The following USP25 variants were observed in gnomAD, a reference collection of about 807,000 sequenced individuals.
The protein encoded by USP25 is ubiquitin specific peptidase 25.
Under a neutral mutation model 158.5 loss-of-function variants are expected in USP25, and 85 were observed. The observed-to-expected ratio is 0.54, with a 90% CI of 0.45 to 0.64. USP25 has a LOEUF of 0.64. Among genes scored for constraint, USP25 ranks in the 30% least tolerant of loss-of-function variants. USP25 has a pLI of 0.00. For missense variants in USP25, 1,242 were observed against 1,327.3 expected (o/e 0.94, Z 1.00); for synonymous variants, 464 against 460.4 (o/e 1.01, Z -0.10).
intron 1 of USP25, among the ~76,000 whole-genome samples, chr21:15,730,662 T>C (rs1160643846): frequency 6.6e-6 from 1 of 152,230 alleles, no homozygotes; most frequent in Admixed American, 6.5e-5. Context: ...CTTCTGCCGA[T>C]TGTTTTCCCG....
chr21:15,836,852 A>G (rs2038087490), intron 17 of USP25, among the ~76,000 whole-genome samples: 1 of 140,486 alleles, frequency 7.1e-6, no homozygotes, highest in Non-Finnish European at 1.5e-5. Flanking sequence ...GATCAGAATG[A>G]GTAGGGGAGC....
intron 20 of USP25, among the ~76,000 whole-genome samples, chr21:15,852,998 A>AT (rs2038956955): frequency 6.6e-6 from 1 of 152,194 alleles, no homozygotes; most frequent in African/African-American, 2.4e-5. Flanking sequence ...AAAGTAATGT[A>AT]TACAAAATGC....
intron 22 of USP25, among the ~76,000 whole-genome samples, chr21:15,867,107 G>T (rs902152486): frequency 6.6e-6 from 1 of 151,968 alleles, no homozygotes; most frequent in African/African-American, 2.4e-5. Flanking sequence ...ATTTTTTTGT[G>T]CACAAAATTA....
intron 3 of USP25, among the ~76,000 whole-genome samples, chr21:15,771,009 T>C (rs769625673): frequency 3.3e-5 from 5 of 152,218 alleles, no homozygotes; most frequent in Non-Finnish European, 5.9e-5. Context: ...ATAAAAGATA[T>C]GTTCTCATCT....
At chr21:15,820,655 TTTAAA>T (rs1347120197) in intron 10 of USP25, among the ~76,000 whole-genome samples, 43 of 152,110 alleles carry the variant, frequency 2.8e-4, no homozygotes, top group African/African-American at 1.0e-3. Context: ...AAATAACATA[TTTAAA>T]TTATAGTCTT....
At chr21:15,745,473 CTTTTTT>C (rs11284817) in intron 1 of USP25, among the ~76,000 whole-genome samples, 1 of 112,986 alleles carries the variant, frequency 8.9e-6, no homozygotes, top group East Asian at 2.5e-4. Flanking sequence ...TTTTTCTTTT[CTTTTTT>C]TTTTTTTTTT....
chr21:15,805,271 C>T lies in USP25; in HGVS notation c.780+13C>T, dbSNP rs1788278582. ...TGACTCACAGCAGGTAGTTCTGTTG[C>T]ACTGACTTGTTCATTAACCATTTGT... On this transcript the variant is annotated intron_variant, in intron 7 of 25. Coordinates refer to ENST00000400183, the MANE Select transcript of USP25 (RefSeq NM_001283041.3). 6.3e-7 allele frequency: 1 copy of T among 1,578,322 alleles called. No homozygotes were observed. The highest frequency in any genetic ancestry group is 8.6e-7 in the Non-Finnish European group (1 of 1,167,044).
chr21:15,853,233 G>T (rs2038969236), intron 20 of USP25, among the ~76,000 whole-genome samples: 3 of 151,968 alleles, frequency 2.0e-5, no homozygotes, highest in African/African-American at 7.2e-5. Context: ...TGGGCTTAAA[G>T]TTTAGACAGT....
At chr21:15,791,733 T>C in intron 5 of USP25, 69 bp downstream of exon 5, 2 of 1,507,970 alleles carry the variant, frequency 1.3e-6, no homozygotes, top group Non-Finnish European at 1.8e-6. Flanking sequence ...GTTGGTTGTG[T>C]TTAAGTTGTG....
chr21:15,818,913 T>C lies in USP25; in HGVS notation c.1080+67T>C, dbSNP rs1427938496. 5.2e-6 allele frequency: 8 copies of C among 1,524,338 alleles called. No individual in the cohort carries two copies. In the East Asian group the frequency reaches 1.8e-4, roughly 34 times the overall value. 94.4% of individuals were successfully genotyped at this position (1,524,338 alleles called of 1,614,324 possible). A position where few individuals can be genotyped will look rare whatever the true frequency, so the allele number is the denominator to read the frequency against. ...TTTCTTACAATGCTATAGCACAATG[T>C]AAGGTTCTAATTATAGAGCTACCTA... is the stretch of plus-strand genomic sequence containing the variant. On this transcript the variant is annotated intron_variant, in intron 10 of 25. Coordinates refer to ENST00000400183, the MANE Select transcript of USP25 (RefSeq NM_001283041.3).
At chr21:15,859,494 C>CTT (rs2039320169) in intron 20 of USP25, among the ~76,000 whole-genome samples, 1 of 152,076 alleles carries the variant, frequency 6.6e-6, no homozygotes, top group African/African-American at 2.4e-5. Context: ...TGCGCCCGGC[C>CTT]GCTTTCTCTT....
At position 15,842,522 on chromosome 21, in the gene USP25, T is replaced by A; in HGVS notation, c.2319T>A (p.Pro773=). Residue 773 remains proline (P), a synonymous_variant, in exon 18 of 26, where the codon CCT becomes CCA. Transcript: ENST00000400183. ...KASHEHEDKS[P]ETVLQSKPEN... ...CACATGAGCATGAAGATAAAAGTCCTGAAACAGTTTTGCAGTCGGTAAGAA... is the reference window on the plus strand; with the variant it reads ...CACATGAGCATGAAGATAAAAGTCCAGAAACAGTTTTGCAGTCGGTAAGAA... The A allele has an allele frequency of 6.2e-7, 1 of 1,613,502 alleles. No individual in the cohort carries two copies. The highest frequency in any genetic ancestry group is 8.5e-7 in the Non-Finnish European group (1 of 1,179,624).
At chr21:15,833,215 T>C in intron 16 of USP25, 133 bp from the exon 17 acceptor site, 1 of 795,926 alleles carries the variant, frequency 1.3e-6, no homozygotes, top group Non-Finnish European at 2.0e-6. Flanking sequence ...GCAATAGTAA[T>C]TCTTAAGTAA....
At chr21:15,804,653 T>G (rs2036289863) in intron 6 of USP25, among the ~76,000 whole-genome samples, 1 of 151,944 alleles carries the variant, frequency 6.6e-6, no homozygotes, top group Non-Finnish European at 1.5e-5. Flanking sequence ...CTTGAAGGAG[T>G]CTGGAAAGGC....
At chr21:15,802,062 A>G (rs77592989) in intron 6 of USP25, among the ~76,000 whole-genome samples, 11,482 of 151,542 alleles carry the variant, frequency 0.076, 500 homozygotes, top group East Asian at 0.091. Context: ...CATTTGGTTT[A>G]AAATGTTTCA....
At chr21:15,821,754 TGAA>T (rs1456190046) in intron 10 of USP25, among the ~76,000 whole-genome samples, 19 of 152,108 alleles carry the variant, frequency 1.2e-4, no homozygotes, top group African/African-American at 4.6e-4. Context: ...GTGGGGAATT[TGAA>T]GTGATAGGTG....
rs978701862 is a variant in USP25 at position 15,766,934 on chromosome 21, T to C, written c.268+793T>C. Among the ~76,000 whole-genome samples, 2 of 152,100 alleles carry C rather than the reference T, an allele frequency of 1.3e-5. No homozygotes were observed. The highest frequency in any genetic ancestry group is 6.6e-5 in the Admixed American group (1 of 15,256). On this transcript the variant is annotated intron_variant, in intron 3 of 25. Transcript: ENST00000400183. The surrounding 1 kb of genome is among the most constrained non-coding windows in gnomAD (Gnocchi z 4.0). ...GGAAGCAACCAGAAAAGAGTTCGTT[T>C]ACATAGATGTTTATTAATGTTTATT...
intron 1 of USP25, among the ~76,000 whole-genome samples, chr21:15,758,038 A>C (rs2033495383): frequency 6.6e-6 from 1 of 152,100 alleles, no homozygotes; most frequent in African/African-American, 2.4e-5. Flanking sequence ...TGTAACTGAG[A>C]CTCTGCTTCT....
At chr21:15,815,835 A>G (rs2242679) in intron 9 of USP25, among the ~76,000 whole-genome samples, 3,508 of 152,230 alleles carry the variant, frequency 0.023, 109 homozygotes, top group Admixed American at 0.093. Context: ...CTCCCTTCTT[A>G]TAGGGAGTAA....
Sources: allele counts gnomAD v4.1 joint callset (sites outside exome capture counted in the v4.1 genomes callset), GRCh38; gene constraint gnomAD v4.1.1; non-coding constraint Gnocchi (gnomAD v3.1); transcripts MANE v1.5; gene names NCBI Gene and HGNC (gene_info 2026-07-23, HGNC 2026-07-21).